The following ECT2L variants were observed in gnomAD, a reference collection of about 807,000 sequenced individuals.
ECT2L encodes epithelial cell-transforming sequence 2 oncogene-like.
In ECT2L, 126 loss-of-function variants were observed where a neutral mutation model predicts 122.8. That is an observed-to-expected ratio of 1.03 (90% CI 0.89 to 1.19). ECT2L has a LOEUF of 1.19. ECT2L is among the 50% of genes most tolerant of loss of function. The pLI is 0.00. For missense variants in ECT2L, 1,012 were observed against 1,064.1 expected (o/e 0.95, Z 0.68); for synonymous variants, 385 against 381.8 (o/e 1.01, Z -0.10).
intron 10 of ECT2L, among the ~76,000 whole-genome samples, chr6:138,857,744 G>A (rs534974948): frequency 5.9e-5 from 9 of 151,934 alleles, no homozygotes; most frequent in Non-Finnish European, 1.3e-4. Flanking sequence ...TATTCCCTAG[G>A]GCTTGATCCT....
At chr6:138,885,979 T>C (rs1778808056) in intron 18 of ECT2L, 149 bp downstream of exon 18, 2 of 731,788 alleles carry the variant, frequency 2.7e-6, no homozygotes, top group African/African-American at 1.8e-5. Flanking sequence ...AATAGTGTGT[T>C]CCGTGATTTC....
intron 9 of ECT2L, among the ~76,000 whole-genome samples, chr6:138,853,409 G>A (rs1462469398): frequency 3.3e-5 from 5 of 152,128 alleles, no homozygotes; most frequent in Admixed American, 3.3e-4. Flanking sequence ...ACATGAAGAA[G>A]TCCTTTCTAG....
chr6:138,855,478 C>T (rs954425667), intron 10 of ECT2L, among the ~76,000 whole-genome samples: 1 of 152,040 alleles, frequency 6.6e-6, no homozygotes, highest in African/African-American at 2.4e-5. Context: ...CACTACACTC[C>T]AGCCTGGGCG....
intron 4 of ECT2L, among the ~76,000 whole-genome samples, chr6:138,824,558 T>TAAAAAAAAAAAAAAAAAAAAAAAAAAAAA (rs748380178): frequency 7.6e-6 from 1 of 131,758 alleles, no homozygotes; most frequent in African/African-American, 2.8e-5. Flanking sequence ...AAAAAAACTA[T>TAAAAAAAAAAAAAAAAAAAAAAAAAAAAA]AAAAAAAAAC....
intron 8 of ECT2L, 76 bp downstream of exon 8, chr6:138,846,753 T>G (rs1043576774): frequency 1.2e-5 from 16 of 1,334,666 alleles, no homozygotes; most frequent in East Asian, 2.7e-5. Flanking sequence ...GACTAGAGGG[T>G]GTGTGACAAG....
At chr6:138,865,296 AT>A in intron 12 of ECT2L, 118 bp downstream of exon 12, 2 of 970,632 alleles carry the variant, frequency 2.1e-6, no homozygotes, top group Non-Finnish European at 1.5e-6. Context: ...CTCCAGTAAA[AT>A]TTTATCTCCT....
intron 3 of ECT2L, among the ~76,000 whole-genome samples, chr6:138,813,870 A>G (rs1458470734): frequency 6.6e-6 from 1 of 152,200 alleles, no homozygotes; most frequent in Non-Finnish European, 1.5e-5. Context: ...AGACTAGACC[A>G]GGCTGGGACT....
chr6:138,861,935 G>C (rs1349166906), intron 10 of ECT2L, among the ~76,000 whole-genome samples: 1 of 151,984 alleles, frequency 6.6e-6, no homozygotes, highest in African/African-American at 2.4e-5. Context: ...CTCTTTCTTT[G>C]GGCTGGGTAT....
chr6:138,872,444 C>T (rs1778291225), intron 13 of ECT2L, among the ~76,000 whole-genome samples: 1 of 152,176 alleles, frequency 6.6e-6, no homozygotes, highest in Admixed American at 6.5e-5. Flanking sequence ...TAACAGAACG[C>T]ACGGGCTGGG....
intron 8 of ECT2L, among the ~76,000 whole-genome samples, 170 bp from the exon 9 acceptor site, chr6:138,849,099 T>TA (rs1777334133): frequency 6.6e-6 from 1 of 152,228 alleles, no homozygotes; most frequent in African/African-American, 2.4e-5. Context: ...CTCCTATAAT[T>TA]AGAAATAAAC....
chr6:138,822,708 A>C (rs559038875), intron 4 of ECT2L: 5 of 1,557,286 alleles, frequency 3.2e-6, no homozygotes, highest in Non-Finnish European at 4.4e-6. Context: ...GCGACGCAGA[A>C]GACGGGTGAT....
chr6:138,842,216 T>G (rs1777062973), intron 5 of ECT2L, among the ~76,000 whole-genome samples: 1 of 152,208 alleles, frequency 6.6e-6, no homozygotes, highest in Non-Finnish European at 1.5e-5. Context: ...CCCAGCACTT[T>G]GGGAGGCTGA....
chr6:138,837,209 A>C (rs1238342559), intron 4 of ECT2L, among the ~76,000 whole-genome samples: 1 of 152,226 alleles, frequency 6.6e-6, no homozygotes, highest in African/African-American at 2.4e-5. Context: ...CATATAGATT[A>C]GTCTAGCTTT....
intron 1 of ECT2L, among the ~76,000 whole-genome samples, chr6:138,799,377 C>A (rs908603149): frequency 2.0e-5 from 3 of 151,946 alleles, no homozygotes; most frequent in African/African-American, 2.4e-5. Flanking sequence ...CCTCAGCCTC[C>A]GGAGTAGCTG....
intron 13 of ECT2L, among the ~76,000 whole-genome samples, chr6:138,871,861 G>A (rs1281615510): frequency 6.6e-6 from 1 of 151,864 alleles, no homozygotes; most frequent in Non-Finnish European, 1.5e-5. Context: ...CTACCCTTCT[G>A]CTGTTACCAT....
intron 1 of ECT2L, among the ~76,000 whole-genome samples, chr6:138,797,412 C>T (rs1475680298): frequency 1.3e-5 from 2 of 152,194 alleles, no homozygotes; most frequent in Non-Finnish European, 2.9e-5. Flanking sequence ...CATGTAGGTA[C>T]ATACCTCTGC....
intron 1 of ECT2L, among the ~76,000 whole-genome samples, chr6:138,797,432 G>A (rs11155004): frequency 0.46 from 69,807 of 151,976 alleles, 16,937 homozygotes; most frequent in Middle Eastern, 0.66. Context: ...CCGAGGAGCA[G>A]TGTTTTAATT....
Position 138,849,365 on chromosome 6 carries a change from G to C in ECT2L, c.1000G>C (p.Asp334His), listed in dbSNP as rs1322055377. Residue 334 changes from aspartate to histidine, a missense_variant, in exon 9 of 22, where the codon GAT (aspartate) becomes CAT (histidine). Transcript: ENST00000541398. ...SLLYLIEKALDGQKAQSIGIF... is the reference protein window; with the variant it reads ...SLLYLIEKALHGQKAQSIGIF... ...TCTGTATCTTATAGAAAAAGCTCTG[G>C]ATGGGCAGAAGGCACAGAGCATCGG... 2 of 1,613,932 alleles carry C rather than the reference G, an allele frequency of 1.2e-6. No individual in the cohort carries two copies. Among genetic ancestry groups the C allele is most frequent in the Non-Finnish European group, 1.7e-6 (2 of 1,180,024 alleles).
intron 3 of ECT2L, among the ~76,000 whole-genome samples, chr6:138,813,868 C>T (rs965978060): frequency 4.6e-5 from 7 of 152,140 alleles, no homozygotes; most frequent in Admixed American, 1.3e-4. Context: ...GGAGACTAGA[C>T]CAGGCTGGGA....
Sources: gnomAD v4.1 joint callset for allele counts (sites outside exome capture counted in the v4.1 genomes callset) on GRCh38, gnomAD v4.1.1 for gene constraint, MANE v1.5 for transcripts, NCBI Gene and HGNC (gene_info 2026-07-23, HGNC 2026-07-21) for gene names.